Variants in MNS1 observed in about 807,000 individuals in gnomAD.
MNS1 encodes meiosis-specific nuclear structural protein 1.
Under a neutral mutation model 72.0 loss-of-function variants are expected in MNS1, and 63 were observed. The observed-to-expected ratio is 0.87, with a 90% CI of 0.71 to 1.08. The LOEUF (loss-of-function observed/expected upper bound fraction) is 1.08, where lower values mean the gene tolerates loss of function less well. MNS1 is among the 50% of genes least tolerant of loss of function. The pLI is 0.00. For missense variants in MNS1, 604 were observed against 562.4 expected, an observed-to-expected ratio of 1.07 and a Z score of -0.75; for synonymous variants, 188 against 172.1, an observed-to-expected ratio of 1.09 and a Z score of -0.72.
At chr15:56,431,922 A>T (rs1294855692) in intron 8 of MNS1, among the ~76,000 whole-genome samples, 3 of 152,052 alleles carry the variant, frequency 2.0e-5, no homozygotes, top group African/African-American at 7.2e-5. Context: ...TATAAAGATG[A>T]TATGAAGCAT....
intron 2 of MNS1, among the ~76,000 whole-genome samples, chr15:56,462,454 T>C (rs2051029577): frequency 6.6e-6 from 1 of 152,110 alleles, no homozygotes; most frequent in Admixed American, 6.6e-5. Flanking sequence ...CCAAAAAAGG[T>C]GGACCGCAAT....
chr15:56,461,975 GTTTTTTTTTTTTTTTTT>G (rs56022687), intron 2 of MNS1, among the ~76,000 whole-genome samples: 1 of 97,916 alleles, frequency 1.0e-5, no homozygotes. Flanking sequence ...TTTTGTTGTT[GTTTTTTTTTTTTTTTTT>G]TTTTTTTTTT....
chr15:56,434,610 A>C (rs1339354182), intron 7 of MNS1, among the ~76,000 whole-genome samples: 1 of 152,116 alleles, frequency 6.6e-6, no homozygotes, highest in Non-Finnish European at 1.5e-5. Flanking sequence ...CTCATGAACA[A>C]ATTTTAATTT....
intron 8 of MNS1, among the ~76,000 whole-genome samples, chr15:56,432,157 C>T (rs1231118794): frequency 6.6e-6 from 1 of 152,118 alleles, no homozygotes; most frequent in Non-Finnish European, 1.5e-5. Flanking sequence ...CAGGGGAAAG[C>T]AAACTTGATA....
intron 7 of MNS1, among the ~76,000 whole-genome samples, chr15:56,437,909 G>T (rs1429560992): frequency 6.6e-6 from 1 of 152,054 alleles, no homozygotes; most frequent in Non-Finnish European, 1.5e-5. Flanking sequence ...AACTTACAAG[G>T]GATGTGAAGG....
At chr15:56,430,013 C>CAATT (rs1345792693) in intron 9 of MNS1, 2 of 152,052 alleles carry the variant, frequency 1.3e-5, no homozygotes, top group East Asian at 3.9e-4. Context: ...CCTTTCTAAC[C>CAATT]AATTAGACTA....
At chr15:56,453,746 A>G (rs534947159) in intron 3 of MNS1, among the ~76,000 whole-genome samples, 42 of 152,216 alleles carry the variant, frequency 2.8e-4, no homozygotes, top group Non-Finnish European at 5.9e-4. Context: ...CAGCAAAGTT[A>G]AATTATCTTT....
chr15:56,456,629 G>C (rs1201623918), intron 2 of MNS1, 108 bp from the exon 3 acceptor site: 1 of 1,047,406 alleles, frequency 9.5e-7, no homozygotes, highest in African/African-American at 1.6e-5. Context: ...GCCAACAATT[G>C]ATGATGTTTT....
At chr15:56,451,709 G>A (rs2140370412) in intron 3 of MNS1, among the ~76,000 whole-genome samples, 1 of 120,620 alleles carries the variant, frequency 8.3e-6, no homozygotes, top group African/African-American at 2.7e-5. Flanking sequence ...TGCATTCACA[G>A]TAGGTTCCTC....
In MNS1 at chr15:56,429,130, G is replaced by GTTGA. The variant is rs1567144251; in HGVS notation, c.1455_1458dup (p.Gln487SerfsTer5). 6 of 1,600,110 alleles carry GTTGA rather than the reference G, an allele frequency of 3.7e-6. No individual in the cohort carries two copies. In the South Asian group the frequency reaches 4.5e-5, roughly 12 times the overall value. On this transcript the variant is annotated frameshift_variant, in exon 10 of 10. Transcript: ENST00000260453. LOFTEE classifies it high-confidence loss of function. ...TTCTCTTCACAAATTTCACTCCTTTGTTGATATACTTTCCTGAACTCTTCA... is the reference window on the plus strand; with the variant it reads ...TTCTCTTCACAAATTTCACTCCTTTGTTGATTGATATACTTTCCTGAACTCTTCA...
rs778840180 is a variant in MNS1, at chr15:56,429,191, T to TC, written c.1397dup (p.Val467SerfsTer3). ...CAATATCATCCTCTTTTTTAAATAC[T>TC]CCCTACGAGAAAAATACTTTGTGGG... On this transcript the variant is annotated frameshift_variant and splice_region_variant, in exon 10 of 10. Transcript: ENST00000260453. LOFTEE classifies it high-confidence loss of function. The TC allele has an allele frequency of 6.3e-7, 1 of 1,580,630 alleles. No individual in the cohort carries two copies. Among genetic ancestry groups the TC allele is most frequent in the Non-Finnish European group, 8.6e-7 (1 of 1,162,594 alleles).
intron 3 of MNS1, among the ~76,000 whole-genome samples, chr15:56,449,783 T>C (rs575692768): frequency 2.3e-4 from 35 of 152,334 alleles, no homozygotes; most frequent in African/African-American, 8.2e-4. Context: ...ATCAGTTTGG[T>C]AAAATGTGCT....
At position 56,456,458 on chromosome 15, in the gene MNS1, A is replaced by G. The variant is rs143778434; in HGVS notation, c.289T>C (p.Leu97=). 1.3e-5 allele frequency: 21 copies of G among 1,612,192 alleles called. No homozygotes were observed. The highest frequency in any genetic ancestry group is 1.7e-5 in the Non-Finnish European group (20 of 1,179,452). The change falls in exon 3 of 10, where the codon TTG becomes CTG. Residue 97 remains leucine, a synonymous_variant. Coordinates refer to ENST00000260453, the MANE Select transcript of MNS1 (RefSeq NM_018365.4). ...AGACTTTCATGTTTCAGTTTTGCCA[A>G]TTCCATAGCCAGTTTTTCTTCTTGT... The part of the protein sequence containing the change: ...LKQEEKLAME[L]AKLKHESLKD...
chr15:56,435,939 TC>T (rs1198356462), intron 7 of MNS1, among the ~76,000 whole-genome samples: 1 of 151,990 alleles, frequency 6.6e-6, no homozygotes, highest in Non-Finnish European at 1.5e-5. Context: ...AAAGAATTAT[TC>T]ACCATGACCA....
At chr15:56,449,683 G>A (rs1188687442) in intron 3 of MNS1, among the ~76,000 whole-genome samples, 18 of 152,220 alleles carry the variant, frequency 1.2e-4, no homozygotes, top group African/African-American at 3.9e-4. Context: ...AATTCACCTA[G>A]CCCTGTAGGT....
intron 3 of MNS1, among the ~76,000 whole-genome samples, chr15:56,449,235 T>TC (rs2050931449): frequency 6.6e-6 from 1 of 152,130 alleles, no homozygotes; most frequent in Non-Finnish European, 1.5e-5. Flanking sequence ...CCTGTCTTCT[T>TC]CTCAGTGTCA....
chr15:56,462,919 G>GA (rs1425273090), intron 2 of MNS1, among the ~76,000 whole-genome samples: 1 of 151,828 alleles, frequency 6.6e-6, no homozygotes, highest in African/African-American at 2.4e-5. Flanking sequence ...ATAAGAATAG[G>GA]AAAAATATCC....
At chr15:56,429,892 A>G (rs1319507201) in intron 9 of MNS1, 2 of 152,186 alleles carry the variant, frequency 1.3e-5, no homozygotes, top group African/African-American at 4.8e-5. Flanking sequence ...TTTCCTCTAC[A>G]AAAATATCAA....
intron 3 of MNS1, among the ~76,000 whole-genome samples, chr15:56,453,817 T>G (rs2050963405): frequency 6.6e-6 from 1 of 152,174 alleles, no homozygotes; most frequent in Admixed American, 6.5e-5. Context: ...GAGTCATGAT[T>G]TCTGAGCTCA....
Sources: allele counts gnomAD v4.1 joint callset (sites outside exome capture counted in the v4.1 genomes callset), GRCh38; gene constraint gnomAD v4.1.1; transcripts MANE v1.5; gene names NCBI Gene and HGNC (gene_info 2026-07-23, HGNC 2026-07-21).